CDC42SE2: variants seen among roughly 807,000 people sequenced by gnomAD.
The protein encoded by CDC42SE2 is CDC42 small effector 2.
A neutral mutation model predicts 11.5 loss-of-function variants in CDC42SE2; 3 were observed. That is an observed-to-expected ratio of 0.26 (90% confidence interval 0.12 to 0.67). The LOEUF (loss-of-function observed/expected upper bound fraction) is 0.67. Among genes scored for constraint, CDC42SE2 ranks in the 30% least tolerant of loss-of-function variants. CDC42SE2 has a pLI of 0.80. For synonymous variants in CDC42SE2, 33 were observed against 34.8 expected (o/e 0.95, Z 0.18); for missense variants, 82 against 106.8 (o/e 0.77, Z 1.02).
At chr5:131,288,788 CA>C (rs1474862452) in intron 1 of CDC42SE2, among the ~76,000 whole-genome samples, 1 of 152,150 alleles carries the variant, frequency 6.6e-6, no homozygotes, top group Non-Finnish European at 1.5e-5. Flanking sequence ...ACTACTTTGG[CA>C]AGGACCTGGA....
chr5:131,216,372 T>C, the CDC42SE2 span, among the ~76,000 whole-genome samples: 2 of 151,676 alleles, frequency 1.3e-5, no homozygotes, highest in African/African-American at 4.8e-5. Context: ...CATGGTGGTG[T>C]GTGCCTGTAG....
chr5:131,337,125 G>A (rs1004954253), intron 2 of CDC42SE2, among the ~76,000 whole-genome samples: 3 of 152,118 alleles, frequency 2.0e-5, no homozygotes, highest in African/African-American at 7.2e-5. Context: ...TTTGATGATG[G>A]TGACGTACAG....
the CDC42SE2 span, among the ~76,000 whole-genome samples, chr5:131,216,030 A>T: frequency 6.6e-6 from 1 of 152,346 alleles, no homozygotes; most frequent in African/African-American, 2.4e-5. Context: ...AACAAAACTG[A>T]TAGTGTTCAC....
At chr5:131,379,549 C>T (rs1409773737) in intron 3 of CDC42SE2, among the ~76,000 whole-genome samples, 2 of 152,098 alleles carry the variant, frequency 1.3e-5, no homozygotes, top group African/African-American at 2.4e-5. Context: ...TGAAATTAAC[C>T]TGCTTCTCGC....
intron 1 of CDC42SE2, among the ~76,000 whole-genome samples, chr5:131,286,459 G>A (rs1757343926): frequency 6.7e-6 from 1 of 149,296 alleles, no homozygotes; most frequent in East Asian, 2.0e-4. Context: ...ATAGGGAGTG[G>A]TGAGAGGGAA....
chr5:131,309,070 T>G (rs979827620), intron 1 of CDC42SE2, among the ~76,000 whole-genome samples: 2 of 152,006 alleles, frequency 1.3e-5, no homozygotes, highest in Admixed American at 6.6e-5. Context: ...CAGTATGATA[T>G]TGGCTGTGGG....
At chr5:131,315,163 A>G (rs1353383289) in intron 1 of CDC42SE2, among the ~76,000 whole-genome samples, 1 of 151,950 alleles carries the variant, frequency 6.6e-6, no homozygotes, top group East Asian at 1.9e-4. Flanking sequence ...CAGGTTGGAC[A>G]CGTTAGATTT....
At chr5:131,339,439 A>G in intron 2 of CDC42SE2, among the ~76,000 whole-genome samples, 1 of 152,168 alleles carries the variant, frequency 6.6e-6, no homozygotes, top group South Asian at 2.1e-4. Flanking sequence ...ATCTATTTAA[A>G]ATGTCTAAAT....
At chr5:131,336,950 G>C (rs1758580906) in intron 2 of CDC42SE2, among the ~76,000 whole-genome samples, 1 of 152,014 alleles carries the variant, frequency 6.6e-6, no homozygotes. Flanking sequence ...TTGATCTTCT[G>C]AAGCCTTCCT....
intron 2 of CDC42SE2, among the ~76,000 whole-genome samples, chr5:131,343,688 G>A (rs1758765992): frequency 6.6e-6 from 1 of 151,120 alleles, no homozygotes; most frequent in South Asian, 2.1e-4. Flanking sequence ...ATTCCAGCCT[G>A]GGCAACAAGA....
upstream of CDC42SE2, among the ~76,000 whole-genome samples, chr5:131,241,619 A>T (rs1756541338): frequency 1.3e-5 from 2 of 151,832 alleles, no homozygotes; most frequent in Admixed American, 1.3e-4. Context: ...CCCTTTATTG[A>T]GCACACCCCC....
chr5:131,210,154 C>T, the CDC42SE2 span, among the ~76,000 whole-genome samples: 1 of 152,184 alleles, frequency 6.6e-6, no homozygotes, highest in Non-Finnish European at 1.5e-5. Flanking sequence ...CTTGCACAGC[C>T]TGCAGAATGG....
At chr5:131,277,316 A>T (rs1323620077) in intron 1 of CDC42SE2, among the ~76,000 whole-genome samples, 1 of 152,182 alleles carries the variant, frequency 6.6e-6, no homozygotes, top group African/African-American at 2.4e-5. Context: ...ATCCTACTTT[A>T]ACTTCATAAT....
chr5:131,350,059 G>T (rs1361343647), intron 2 of CDC42SE2, among the ~76,000 whole-genome samples: 2 of 151,954 alleles, frequency 1.3e-5, no homozygotes, highest in Non-Finnish European at 2.9e-5. Flanking sequence ...CAGAGTAATT[G>T]AGTTTAAAGT....
At chr5:131,356,194 CAA>C (rs751983633) in intron 2 of CDC42SE2, among the ~76,000 whole-genome samples, 3 of 152,060 alleles carry the variant, frequency 2.0e-5, no homozygotes, top group Non-Finnish European at 4.4e-5. Context: ...TATTTAAAGC[CAA>C]GTTTATATGT....
intron 2 of CDC42SE2, among the ~76,000 whole-genome samples, chr5:131,320,703 T>C (rs1413174482): frequency 6.6e-6 from 1 of 152,040 alleles, no homozygotes; most frequent in Non-Finnish European, 1.5e-5. Flanking sequence ...ATTGCGCCAC[T>C]GCACTCCAGC....
intron 2 of CDC42SE2, among the ~76,000 whole-genome samples, chr5:131,319,568 T>C (rs1312682953): frequency 1.3e-5 from 2 of 152,170 alleles, no homozygotes; most frequent in Admixed American, 6.5e-5. Flanking sequence ...AGATCTCTTA[T>C]AGCAGAATCA....
intron 2 of CDC42SE2, among the ~76,000 whole-genome samples, chr5:131,328,889 A>G (rs1758352505): frequency 6.6e-6 from 1 of 152,256 alleles, no homozygotes; most frequent in Non-Finnish European, 1.5e-5. Context: ...CTACTGCATC[A>G]GGCAAATTCT....
At chr5:131,389,769 G>T (rs1156477611) in intron 4 of CDC42SE2, among the ~76,000 whole-genome samples, 4 of 152,154 alleles carry the variant, frequency 2.6e-5, no homozygotes, top group African/African-American at 9.7e-5. Flanking sequence ...AATTGTGGAA[G>T]TGTGCAGGGC....
Sources: allele counts gnomAD v4.1 joint callset (sites outside exome capture counted in the v4.1 genomes callset), GRCh38; gene constraint gnomAD v4.1.1; transcripts MANE v1.5; gene names NCBI Gene and HGNC (gene_info 2026-07-23, HGNC 2026-07-21).